EXOC6B: variants seen among roughly 807,000 people sequenced by gnomAD.
The protein encoded by EXOC6B is SEC15 homolog B.
EXOC6B carries 54 observed loss-of-function variants against 113.5 expected under a neutral mutation model. That is an observed-to-expected ratio of 0.48 (90% CI 0.38 to 0.60). The LOEUF (loss-of-function observed/expected upper bound fraction) is 0.60, where lower values mean the gene tolerates loss of function less well. Ranked by LOEUF, EXOC6B falls within the 20% of genes least tolerant of loss-of-function variation. The pLI is 0.00. For synonymous variants in EXOC6B, 357 were observed against 339.0 expected, an observed-to-expected ratio of 1.05 and a Z score of -0.58; for missense variants, 797 against 977.5, an observed-to-expected ratio of 0.82 and a Z score of 2.46.
chr2:72,465,437 G>A, intron 17 of EXOC6B, 98 bp from the exon 18 acceptor site: 1 of 895,448 alleles, frequency 1.1e-6, no homozygotes, highest in Non-Finnish European at 1.7e-6. Context: ...TTAAGTAACT[G>A]GGAATATAAC....
chr2:72,373,393 G>A (rs1691159684), intron 19 of EXOC6B, among the ~76,000 whole-genome samples: 1 of 151,936 alleles, frequency 6.6e-6, no homozygotes, highest in Admixed American at 6.6e-5. Flanking sequence ...ATAAGCACAG[G>A]CAACCAAAAC....
chr2:72,403,790 T>C (rs1693516663), intron 18 of EXOC6B, among the ~76,000 whole-genome samples: 1 of 152,138 alleles, frequency 6.6e-6, no homozygotes, highest in Admixed American at 6.5e-5. Context: ...GAGCGACGCA[T>C]AAGACTGGTG....
intron 1 of EXOC6B, among the ~76,000 whole-genome samples, chr2:72,798,419 T>C (rs1023436029): frequency 1.3e-5 from 2 of 152,048 alleles, no homozygotes; most frequent in Non-Finnish European, 2.9e-5. Flanking sequence ...AACTCTGATC[T>C]GTAACATACT....
At chr2:72,813,617 C>T (rs1005372648) in intron 1 of EXOC6B, among the ~76,000 whole-genome samples, 6 of 152,006 alleles carry the variant, frequency 3.9e-5, no homozygotes, top group African/African-American at 1.2e-4. Flanking sequence ...TATTTTTTTC[C>T]GTTTTAAAAA....
intron 20 of EXOC6B, among the ~76,000 whole-genome samples, chr2:72,321,818 T>C (rs1435636243): frequency 6.6e-6 from 1 of 152,128 alleles, no homozygotes; most frequent in Non-Finnish European, 1.5e-5. Flanking sequence ...GTAATACAAC[T>C]GTGTAAGTTT....
At chr2:72,815,491 CAA>C (rs77713111) in intron 1 of EXOC6B, among the ~76,000 whole-genome samples, 25 of 93,552 alleles carry the variant, frequency 2.7e-4, no homozygotes, top group Admixed American at 4.7e-4. Context: ...GACCCTGTTT[CAA>C]AAAAAAAAAA....
chr2:72,687,205 T>C lies in EXOC6B; in HGVS notation c.669+30898A>G, dbSNP rs577563761. On this transcript the variant is annotated intron_variant, in intron 6 of 21. Coordinates refer to ENST00000272427, the MANE Select transcript of EXOC6B (RefSeq NM_015189.3). ...TTTCATTCTTATGTTTTTCTTACTT[T>C]ATAGTATTTTATGGATAGGCTGGTA... is the stretch of plus-strand genomic sequence containing the variant. Among the ~76,000 whole-genome samples, 441 of 152,318 alleles carry C rather than the reference T, an allele frequency of 2.9e-3. 1 individual carries two copies. Among genetic ancestry groups the C allele is most frequent in the African/African-American group, 0.01 (418 of 41,564 alleles).
intron 18 of EXOC6B, among the ~76,000 whole-genome samples, chr2:72,459,785 G>A (rs955671713): frequency 2.6e-5 from 4 of 152,058 alleles, no homozygotes; most frequent in Non-Finnish European, 5.9e-5. Flanking sequence ...ACTGCCCAAG[G>A]TAATTTATAG....
chr2:72,205,714 G>A (rs1198353546), intron 20 of EXOC6B, among the ~76,000 whole-genome samples: 2 of 152,168 alleles, frequency 1.3e-5, no homozygotes, highest in African/African-American at 2.4e-5. Context: ...ACATGAGGAA[G>A]GCGGTTGATG....
intron 1 of EXOC6B, among the ~76,000 whole-genome samples, chr2:72,820,406 A>G (rs898229961): frequency 2.0e-5 from 3 of 152,192 alleles, no homozygotes; most frequent in African/African-American, 7.2e-5. Flanking sequence ...TATCATTAAT[A>G]TACTTTATGT....
intron 8 of EXOC6B, among the ~76,000 whole-genome samples, chr2:72,539,733 C>CGT (rs35689508): frequency 6.3e-4 from 95 of 151,048 alleles, no homozygotes; most frequent in Middle Eastern, 3.4e-3. Flanking sequence ...GTGGGCTATG[C>CGT]GTGTGTGTGT....
intron 19 of EXOC6B, among the ~76,000 whole-genome samples, chr2:72,352,832 A>G (rs953952973): frequency 1.3e-5 from 2 of 151,928 alleles, no homozygotes; most frequent in African/African-American, 4.8e-5. Context: ...GAAATCTGTC[A>G]ACTTGCAACA....
chr2:72,750,930 A>T lies in EXOC6B; in HGVS notation c.114-9461T>A, dbSNP rs192903310. Among the ~76,000 whole-genome samples the T allele has an allele frequency of 1.1e-4, 16 of 152,278 alleles. No homozygotes were observed. The East Asian group carries it at 3.1e-3, about 29-fold the overall frequency. ...TAAAACATACAAGGAAACAAAGTAT[A>T]AAAACAAGAATCAGAAGAAACACAA... is the stretch of plus-strand genomic sequence containing the variant. On this transcript the variant is annotated intron_variant, in intron 1 of 21. Transcript: ENST00000272427.
chr2:72,246,601 A>T (rs1682679976), intron 20 of EXOC6B, among the ~76,000 whole-genome samples: 2 of 148,852 alleles, frequency 1.3e-5, no homozygotes, highest in Admixed American at 1.4e-4. Flanking sequence ...TCCGCCTCCG[A>T]GGTTCATGCC....
chr2:72,658,289 A>AAAAAAAAAAAAAAAAAAAAAAAG (rs1674754853), intron 6 of EXOC6B, among the ~76,000 whole-genome samples: 1 of 3,784 alleles, frequency 2.6e-4, no homozygotes, highest in African/African-American at 7.1e-4. Context: ...AAACTAGTAA[A>AAAAAAAAAAAAAAAAAAAAAAAG]AAAAAAAAAA....
In EXOC6B at chr2:72,214,632, A is replaced by G. The variant is rs1158480608; in HGVS notation, c.2197-30445T>C. Reference sequence around the variant, plus strand: ...TTCTTCTATTTCCTTTGTGCTGCCCATACTTTCCACTTATCAGCTGATCTG... The same window carrying G: ...TTCTTCTATTTCCTTTGTGCTGCCCGTACTTTCCACTTATCAGCTGATCTG... On this transcript the variant is annotated intron_variant, in intron 20 of 21. Transcript: ENST00000272427. 2.0e-5 allele frequency among the ~76,000 whole-genome samples: 3 copies of G among 152,092 alleles called. No individual in the cohort carries two copies. The East Asian group carries it at 5.8e-4, about 29-fold the overall frequency.
chr2:72,622,909 C>A (rs145894355), intron 6 of EXOC6B, among the ~76,000 whole-genome samples: 2 of 152,218 alleles, frequency 1.3e-5, no homozygotes, highest in East Asian at 3.9e-4. Context: ...ATTAGTACAA[C>A]TACTTTGAGA....
At chr2:72,777,072 C>G (rs1476269299) in intron 1 of EXOC6B, among the ~76,000 whole-genome samples, 3 of 152,128 alleles carry the variant, frequency 2.0e-5, no homozygotes, top group Non-Finnish European at 4.4e-5. Flanking sequence ...GAAACCCCAT[C>G]TCTAATAAAA....
At chr2:72,276,568 A>T (rs149305217) in intron 20 of EXOC6B, among the ~76,000 whole-genome samples, 72 of 152,252 alleles carry the variant, frequency 4.7e-4, no homozygotes, top group African/African-American at 1.4e-3. Flanking sequence ...TAAAATCTCA[A>T]ACTAGTGGCC....
Sources: allele counts gnomAD v4.1 joint callset (sites outside exome capture counted in the v4.1 genomes callset), GRCh38; gene constraint gnomAD v4.1.1; transcripts MANE v1.5; gene names NCBI Gene and HGNC (gene_info 2026-07-23, HGNC 2026-07-21).